Variants in MARCHF1 observed in about 807,000 individuals in gnomAD.
MARCHF1 encodes the protein membrane associated ring-CH-type finger 1.
MARCHF1 carries 40 observed loss-of-function variants against 54.2 expected under a neutral mutation model. That is an observed-to-expected ratio of 0.74 (90% CI 0.57 to 0.96). MARCHF1 has a LOEUF of 0.96. Among genes scored for constraint, MARCHF1 ranks in the 40% least tolerant of loss-of-function variants. The pLI is 0.00. For synonymous variants in MARCHF1, 236 were observed against 236.3 expected (o/e 1.00, Z 0.01); for missense variants, 586 against 656.5 (o/e 0.89, Z 1.17).
intron 4 of MARCHF1, among the ~76,000 whole-genome samples, chr4:163,786,305 C>T (rs1184546700): frequency 6.6e-6 from 1 of 151,908 alleles, no homozygotes; most frequent in Non-Finnish European, 1.5e-5. Context: ...ATTGTGTAAT[C>T]ATGTTAACAT....
intron 2 of MARCHF1, among the ~76,000 whole-genome samples, chr4:164,045,541 AAATAAAT>A (rs1754224231): frequency 6.6e-6 from 1 of 151,368 alleles, no homozygotes; most frequent in Non-Finnish European, 1.5e-5. Context: ...ATAAATAAAT[AAATAAAT>A]AAAACCGTTT....
chr4:163,605,242 A>G (rs1041476337), intron 7 of MARCHF1, among the ~76,000 whole-genome samples: 4 of 152,150 alleles, frequency 2.6e-5, no homozygotes, highest in Admixed American at 1.3e-4. Flanking sequence ...AAAAGTGGGC[A>G]AAGGATATAA....
intron 5 of MARCHF1, among the ~76,000 whole-genome samples, chr4:163,676,217 C>T (rs943775922): frequency 2.0e-5 from 3 of 147,966 alleles, no homozygotes; most frequent in East Asian, 2.0e-4. Context: ...ATTAGCTGGG[C>T]GTGGTGGCAG....
chr4:164,299,150 T>C (rs538880827), intron 1 of MARCHF1, among the ~76,000 whole-genome samples: 2 of 152,302 alleles, frequency 1.3e-5, no homozygotes, highest in African/African-American at 2.4e-5. Flanking sequence ...ATCTGACAAG[T>C]ATTTATCAGG....
intron 3 of MARCHF1, among the ~76,000 whole-genome samples, chr4:163,973,341 T>C (rs1004281870): frequency 8.5e-5 from 13 of 152,238 alleles, no homozygotes; most frequent in African/African-American, 2.9e-4. Flanking sequence ...TGGTTGTTCT[T>C]AGCCTTGCTC....
rs182458438 is a variant in MARCHF1, at chr4:164,268,120, T to G, written c.-323+115750A>C. On this transcript the variant is annotated intron_variant, in intron 1 of 9. Coordinates refer to ENST00000514618, the MANE Select transcript of MARCHF1 (RefSeq NM_001394959.1). Reference sequence around the variant, plus strand: ...AAAATGGGGGTAGCAGCAACATGGGTAGCATATTCAAATTTGAAAAGACTT... The same window carrying G: ...AAAATGGGGGTAGCAGCAACATGGGGAGCATATTCAAATTTGAAAAGACTT... Among the ~76,000 whole-genome samples the G allele has an allele frequency of 2.9e-3, 448 of 152,286 alleles. 1 individual carries two copies. Among genetic ancestry groups the G allele is most frequent in the African/African-American group, 0.01 (427 of 41,564 alleles).
chr4:164,312,855 G>A (rs111273835), intron 1 of MARCHF1, among the ~76,000 whole-genome samples: 2 of 152,044 alleles, frequency 1.3e-5, no homozygotes, highest in African/African-American at 4.8e-5. Context: ...GACATATGGC[G>A]TCAGCCTGCA....
At chr4:164,356,774 G>GAAAAGAAAAAAAAAAAAAA (rs1730557023) in intron 1 of MARCHF1, among the ~76,000 whole-genome samples, 5 of 78,292 alleles carry the variant, frequency 6.4e-5, no homozygotes, top group Non-Finnish European at 7.3e-5. Context: ...AAAAAAAAAA[G>GAAAAGAAAAAAAAAAAAAA]AAAAGCAAAA....
At chr4:164,319,219 T>G (rs914956696) in intron 1 of MARCHF1, among the ~76,000 whole-genome samples, 1 of 152,206 alleles carries the variant, frequency 6.6e-6, no homozygotes, top group African/African-American at 2.4e-5. Context: ...ACATAGCATT[T>G]AACTTATACT....
chr4:164,252,778 C>T (rs1215292701), intron 1 of MARCHF1, among the ~76,000 whole-genome samples: 2 of 151,860 alleles, frequency 1.3e-5, no homozygotes, highest in African/African-American at 4.8e-5. Context: ...CAATAATAAA[C>T]ATGATTATAA....
At chr4:163,906,519 T>G (rs1422487158) in intron 3 of MARCHF1, among the ~76,000 whole-genome samples, 1 of 151,950 alleles carries the variant, frequency 6.6e-6, no homozygotes, top group Non-Finnish European at 1.5e-5. Context: ...CAAAAAGCTG[T>G]ACATAATTAA....
chr4:163,998,918 A>G (rs1255716143), intron 2 of MARCHF1, among the ~76,000 whole-genome samples: 2 of 151,792 alleles, frequency 1.3e-5, no homozygotes, highest in Non-Finnish European at 3.0e-5. Flanking sequence ...TAAACATAGA[A>G]GTGCAGATAT....
intron 1 of MARCHF1, among the ~76,000 whole-genome samples, chr4:164,241,899 C>A (rs1003807506): frequency 6.6e-5 from 10 of 152,306 alleles, no homozygotes; most frequent in South Asian, 2.1e-4. Context: ...CACTCCCACC[C>A]GAATACTGCG....
chr4:163,726,440 C>T lies in MARCHF1; in HGVS notation c.112-25577G>A, dbSNP rs528626498. 3.3e-5 allele frequency among the ~76,000 whole-genome samples: 5 copies of T among 152,292 alleles called. No homozygotes were observed. The South Asian group carries it at 1.0e-3, about 32-fold the overall frequency. On this transcript the variant is annotated intron_variant, in intron 4 of 9. Transcript: ENST00000514618. Reference sequence around the variant, plus strand: ...AACTTTTCTACATGTCTTTTCATGGCTCACCAGATCTTTTTTTAGGTCCTT... The same window carrying T: ...AACTTTTCTACATGTCTTTTCATGGTTCACCAGATCTTTTTTTAGGTCCTT...
At chr4:163,708,990 A>T (rs2111250635) in intron 4 of MARCHF1, among the ~76,000 whole-genome samples, 1 of 152,302 alleles carries the variant, frequency 6.6e-6, no homozygotes, top group South Asian at 2.1e-4. Flanking sequence ...AAGGTAATAA[A>T]GTTATAGAAA....
chr4:163,576,007 A>AT (rs1476213814), intron 8 of MARCHF1, among the ~76,000 whole-genome samples: 14 of 151,420 alleles, frequency 9.2e-5, no homozygotes, highest in Non-Finnish European at 1.6e-4. Flanking sequence ...TGTTGCATTG[A>AT]TTTTTTGTAT....
At chr4:164,067,034 G>A (rs374510797) in intron 2 of MARCHF1, among the ~76,000 whole-genome samples, 231 of 67,016 alleles carry the variant, frequency 3.4e-3, no homozygotes, top group African/African-American at 0.01. Context: ...AAAGTCTGAC[G>A]AAGGCTTTTA....
chr4:163,649,786 A>G (rs1742900567), intron 5 of MARCHF1, among the ~76,000 whole-genome samples: 1 of 151,044 alleles, frequency 6.6e-6, no homozygotes, highest in African/African-American at 2.4e-5. Context: ...TGCCTGATAC[A>G]ATTGCTGAAG....
intron 4 of MARCHF1, among the ~76,000 whole-genome samples, chr4:163,713,677 G>C (rs1745175673): frequency 6.6e-6 from 1 of 152,120 alleles, no homozygotes; most frequent in African/African-American, 2.4e-5. Flanking sequence ...AAAAAAATTA[G>C]TTTCAGAAAT....
Sources: gnomAD v4.1 joint callset for allele counts (sites outside exome capture counted in the v4.1 genomes callset) on GRCh38, gnomAD v4.1.1 for gene constraint, MANE v1.5 for transcripts, NCBI Gene and HGNC (gene_info 2026-07-23, HGNC 2026-07-21) for gene names.